Variants in SNX29 observed in about 807,000 individuals in gnomAD.
SNX29 encodes the protein sorting nexin 29.
A neutral mutation model predicts 102.1 loss-of-function variants in SNX29; 78 were observed. That is an observed-to-expected ratio of 0.76 (90% CI 0.64 to 0.92). The LOEUF (loss-of-function observed/expected upper bound fraction) is 0.92, where lower values mean the gene tolerates loss of function less well. Ranked by LOEUF, SNX29 falls within the 40% of genes least tolerant of loss-of-function variation. The probability of loss-of-function intolerance (pLI) is 0.00; values close to 1 mark genes in which losing one functional copy is unlikely to be tolerated. For missense variants in SNX29, 1,280 were observed against 1,061.7 expected, an observed-to-expected ratio of 1.21 and a Z score of -2.86; for synonymous variants, 580 against 414.5, an observed-to-expected ratio of 1.40 and a Z score of -4.85.
At chr16:12,272,537 T>C (rs140709216) in intron 14 of SNX29, among the ~76,000 whole-genome samples, 59 of 152,366 alleles carry the variant, frequency 3.9e-4, no homozygotes, top group African/African-American at 1.3e-3. Context: ...CACTGCTCTC[T>C]TACCTGACTT....
chr16:12,501,442 C>G (rs1283806150), intron 19 of SNX29, among the ~76,000 whole-genome samples: 1 of 151,664 alleles, frequency 6.6e-6, no homozygotes, highest in East Asian at 1.9e-4. Flanking sequence ...CAGTGGTAGG[C>G]CAGACGCGGT....
At chr16:12,069,650 T>C (rs1003479771) in intron 10 of SNX29, among the ~76,000 whole-genome samples, 1 of 152,184 alleles carries the variant, frequency 6.6e-6, no homozygotes, top group Non-Finnish European at 1.5e-5. Context: ...ATGACGAATG[T>C]CAACACCTTT....
chr16:12,143,001 T>A lies in SNX29; in HGVS notation c.1595+13243T>A, dbSNP rs535954723. Among the ~76,000 whole-genome samples the A allele has an allele frequency of 8.6e-3, 1,141 of 132,826 alleles. 12 individuals carry two copies. Among genetic ancestry groups the A allele is most frequent in the African/African-American group, 0.026 (796 of 30,248 alleles). 87.1% of individuals were successfully genotyped at this position (132,826 alleles called of 152,430 possible). On this transcript the variant is annotated intron_variant, in intron 13 of 20. Transcript: ENST00000566228. ...GGGAAGGATATGCAAGCAAAGAAAA[T>A]TTTTTTTTTTTTTGAGGCAGAGTTT...
intron 13 of SNX29, among the ~76,000 whole-genome samples, chr16:12,182,528 T>C (rs1486296052): frequency 6.6e-6 from 1 of 152,162 alleles, no homozygotes; most frequent in Admixed American, 6.5e-5. Context: ...AGGGCTGAGA[T>C]AGTGATTCCT....
At chr16:12,014,107 T>A (rs1204538605) in intron 3 of SNX29, among the ~76,000 whole-genome samples, 1 of 152,110 alleles carries the variant, frequency 6.6e-6, no homozygotes, top group Non-Finnish European at 1.5e-5. Flanking sequence ...GAGTTTTTAT[T>A]TTTTTAAAGC....
At chr16:11,992,734 A>G (rs1369309418) in intron 1 of SNX29, among the ~76,000 whole-genome samples, 2 of 152,180 alleles carry the variant, frequency 1.3e-5, no homozygotes, top group East Asian at 1.9e-4. Flanking sequence ...CACAGTGGGC[A>G]CTCAAAGAGC....
In SNX29 at chr16:12,538,138, C is replaced by T. The variant is rs113364999; in HGVS notation, c.2318+13297C>T. Among the ~76,000 whole-genome samples, 493 of 152,138 alleles carry T rather than the reference C, an allele frequency of 3.2e-3. 2 individuals carry two copies. Among genetic ancestry groups the T allele is most frequent in the Middle Eastern group, 0.014 (4 of 294 alleles). On this transcript the variant is annotated intron_variant, in intron 20 of 20. Transcript: ENST00000566228. ...CCCTTGCATTTTTTTATTTTTGAGA[C>T]GGAGTCTCACTCTGTCACCCAGAAT...
chr16:12,556,379 T>G (rs949633008), intron 20 of SNX29: 2 of 152,192 alleles, frequency 1.3e-5, no homozygotes, highest in African/African-American at 4.8e-5. Context: ...GTCGTAATTG[T>G]AGGCACTGGC....
chr16:12,139,316 G>C (rs544350221), intron 13 of SNX29, among the ~76,000 whole-genome samples: 46 of 151,606 alleles, frequency 3.0e-4, no homozygotes, highest in African/African-American at 1.1e-3. Flanking sequence ...TTCCTGAATA[G>C]CGTTATTACT....
intron 20 of SNX29, among the ~76,000 whole-genome samples, chr16:12,534,139 C>T (rs972043996): frequency 6.6e-6 from 1 of 152,222 alleles, no homozygotes; most frequent in South Asian, 2.1e-4. Context: ...GCTCCAACAC[C>T]AGGCCTCAGG....
chr16:12,217,089 T>C (rs2142081419), intron 14 of SNX29, among the ~76,000 whole-genome samples: 2 of 152,258 alleles, frequency 1.3e-5, no homozygotes, highest in South Asian at 4.1e-4. Context: ...AGTGCAGTGG[T>C]GTGATCATGG....
chr16:12,299,839 C>A (rs1830632331), intron 15 of SNX29, among the ~76,000 whole-genome samples: 1 of 146,364 alleles, frequency 6.8e-6, no homozygotes, highest in Admixed American at 6.9e-5. Flanking sequence ...TTTTTTCTTA[C>A]ACTAGAAATC....
chr16:12,549,069 C>T (rs764739602), intron 20 of SNX29, among the ~76,000 whole-genome samples: 1 of 152,224 alleles, frequency 6.6e-6, no homozygotes, highest in South Asian at 2.1e-4. Flanking sequence ...GGGCAGGCAT[C>T]ATAGTGTTCG....
At chr16:12,490,979 G>A (rs1361957636) in intron 19 of SNX29, among the ~76,000 whole-genome samples, 2 of 152,118 alleles carry the variant, frequency 1.3e-5, no homozygotes, top group Non-Finnish European at 2.9e-5. Flanking sequence ...ATTATGAGAG[G>A]GTTTTCTTTT....
At chr16:12,267,887 C>T (rs1407391320) in intron 14 of SNX29, among the ~76,000 whole-genome samples, 1 of 152,202 alleles carries the variant, frequency 6.6e-6, no homozygotes, top group Admixed American at 6.5e-5. Context: ...ATACCATAGC[C>T]TGCAAACCCT....
rs142208405 is a variant in SNX29, at chr16:12,029,699, C to T, written c.247+2255C>T. On this transcript the variant is annotated intron_variant, in intron 4 of 20. Coordinates refer to ENST00000566228, the MANE Select transcript of SNX29 (RefSeq NM_032167.5). ...CTCTGCCTCCCAGGTGCAAGTGATT[C>T]TCCAGCCTCAGCCACCTGAGTAGCT... The T allele has an allele frequency of 1.3e-3, 560 of 440,250 alleles. 4 individuals carry two copies. The highest frequency in any genetic ancestry group is 0.011 in the African/African-American group (523 of 49,138). 27.3% of individuals were successfully genotyped at this position (440,250 alleles called of 1,614,324 possible).
chr16:12,564,521 G>C (rs1567213907), intron 20 of SNX29, among the ~76,000 whole-genome samples: 1 of 152,198 alleles, frequency 6.6e-6, no homozygotes, highest in African/African-American at 2.4e-5. Context: ...CAAGTTTTCT[G>C]ACTCTGAATA....
chr16:12,035,068 A>G (rs911270394), intron 4 of SNX29, among the ~76,000 whole-genome samples: 4 of 151,610 alleles, frequency 2.6e-5, no homozygotes, highest in Non-Finnish European at 5.9e-5. Context: ...TTTTTAGATC[A>G]CAGTTATCCA....
intron 14 of SNX29, among the ~76,000 whole-genome samples, chr16:12,254,121 G>A (rs904903006): frequency 6.6e-6 from 1 of 152,128 alleles, no homozygotes; most frequent in Admixed American, 6.5e-5. Context: ...CAGGAGCTTG[G>A]GTACAGGCAT....
Sources: allele counts gnomAD v4.1 joint callset (sites outside exome capture counted in the v4.1 genomes callset), GRCh38; gene constraint gnomAD v4.1.1; transcripts MANE v1.5; gene names NCBI Gene and HGNC (gene_info 2026-07-23, HGNC 2026-07-21).